Variants in ADGRG2 observed in about 807,000 individuals in gnomAD.
ADGRG2 encodes G protein-coupled receptor 64.
ADGRG2 carries 26 observed loss-of-function variants against 74.1 expected under a neutral mutation model. The ratio of observed to expected loss-of-function variants is 0.35; its 90% CI spans 0.26 to 0.49. The LOEUF (loss-of-function observed/expected upper bound fraction) is 0.49. Among genes scored for constraint, ADGRG2 ranks in the 20% least tolerant of loss-of-function variants. The pLI, the probability that ADGRG2 is intolerant of heterozygous loss-of-function variation, is 0.99. For missense variants in ADGRG2, 619 were observed against 763.1 expected (o/e 0.81, Z 2.22); for synonymous variants, 296 against 295.2 (o/e 1.00, Z -0.03).
intron 13 of ADGRG2, 84 bp from the exon 14 acceptor site, chrX:19,021,282 G>C: frequency 1.8e-6 from 1 of 550,322 alleles, no homozygotes; most frequent in African/African-American, 2.2e-5. Context: ...CAAACTTAGA[G>C]TGAGGAAAGG....
At chrX:19,001,723 G>T (rs750751564) in intron 24 of ADGRG2, among the ~76,000 whole-genome samples, 3 of 111,757 alleles carry the variant, frequency 2.7e-5, no homozygotes, top group East Asian at 5.6e-4. Flanking sequence ...GGTGGCAAGG[G>T]TGGTGGTGTG....
chrX:19,051,568 G>A (rs903048544), intron 3 of ADGRG2, among the ~76,000 whole-genome samples: 1 of 111,961 alleles, frequency 8.9e-6, no homozygotes, highest in Non-Finnish European at 1.9e-5. Context: ...CCTTTCTCTT[G>A]ATCCTGGGTG....
chrX:19,060,701 C>T lies in ADGRG2; in HGVS notation c.118+8016G>A, dbSNP rs764741295. On this transcript the variant is annotated intron_variant, in intron 3 of 28. Coordinates refer to ENST00000379869, the MANE Select transcript of ADGRG2 (RefSeq NM_001079858.3). ...TAGCTAGGATTACAGGTGCCCACCACCACACTCGGCTAATTTTTGTATTTT... is the reference window on the plus strand; with the variant it reads ...TAGCTAGGATTACAGGTGCCCACCATCACACTCGGCTAATTTTTGTATTTT... Among the ~76,000 whole-genome samples the T allele has an allele frequency of 5.4e-5, 6 of 110,457 alleles. No homozygotes were observed. In the East Asian group the frequency reaches 1.7e-3, roughly 31 times the overall value.
At chrX:19,004,677 G>A in intron 23 of ADGRG2, 81 bp downstream of exon 23, 1 of 1,003,862 alleles carries the variant, frequency 1.0e-6, no homozygotes, top group East Asian at 3.1e-5. Context: ...GGCAGGCCGA[G>A]GAAAGGGCTT....
intron 3 of ADGRG2, among the ~76,000 whole-genome samples, chrX:19,060,527 T>C (rs1263095809): frequency 3.0e-5 from 3 of 101,560 alleles, no homozygotes; most frequent in African/African-American, 1.1e-4. Context: ...TCTCTGGGGG[T>C]AGGAGGCAGG....
intron 1 of ADGRG2, among the ~76,000 whole-genome samples, chrX:19,091,805 G>A (rs1338158877): frequency 6.2e-5 from 7 of 112,450 alleles, no homozygotes; most frequent in Non-Finnish European, 1.1e-4. Context: ...GGCAGCTTGT[G>A]GGATTTGGCC....
At chrX:18,995,099 A>G (rs1358719808) in intron 27 of ADGRG2, 51 bp from the exon 28 acceptor site, 57 of 952,105 alleles carry the variant, frequency 6.0e-5, no homozygotes, top group Non-Finnish European at 8.2e-5. Flanking sequence ...TTGAAGCTCA[A>G]ACGCAAGAGA....
At chrX:19,003,677 A>T (rs781395808) in intron 23 of ADGRG2, among the ~76,000 whole-genome samples, 1 of 111,822 alleles carries the variant, frequency 8.9e-6, no homozygotes, top group South Asian at 3.8e-4. Context: ...GGGACCTTTT[A>T]CATGCTGACT....
At chrX:19,085,974 C>T (rs1324957790) in intron 1 of ADGRG2, among the ~76,000 whole-genome samples, 1 of 111,451 alleles carries the variant, frequency 9.0e-6, no homozygotes. Context: ...GCCAAGAAAC[C>T]AGCTTCCCAG....
chrX:19,046,729 G>C (rs1462665606), intron 3 of ADGRG2, among the ~76,000 whole-genome samples: 1 of 111,807 alleles, frequency 8.9e-6, no homozygotes, highest in Non-Finnish European at 1.9e-5. Flanking sequence ...AGATACCGAT[G>C]AACAGAGCCA....
chrX:19,097,265 A>T (rs1206919074), intron 1 of ADGRG2, among the ~76,000 whole-genome samples: 1 of 112,822 alleles, frequency 8.9e-6, no homozygotes, highest in East Asian at 2.8e-4. Context: ...TAATCTCAGC[A>T]CTTTGGGAGG....
chrX:19,109,766 CA>C (rs1315982366), intron 1 of ADGRG2, among the ~76,000 whole-genome samples: 4 of 111,973 alleles, frequency 3.6e-5, no homozygotes, highest in Non-Finnish European at 7.5e-5. Flanking sequence ...CAAGATAAAA[CA>C]TGTCGATTTT....
chrX:18,993,186 C>T (rs369530423), intron 28 of ADGRG2, among the ~76,000 whole-genome samples: 4 of 111,524 alleles, frequency 3.6e-5, no homozygotes, highest in African/African-American at 1.3e-4. Context: ...TTCTTCTCCC[C>T]GCTCCCCTGG....
intron 1 of ADGRG2, among the ~76,000 whole-genome samples, chrX:19,106,743 A>AC (rs958649380): frequency 4.6e-5 from 5 of 109,507 alleles, no homozygotes; most frequent in East Asian, 2.9e-4. Flanking sequence ...ACATGGTGAA[A>AC]CCCCGTCTCT....
At chrX:19,067,452 G>A (rs768771282) in intron 3 of ADGRG2, among the ~76,000 whole-genome samples, 65 of 112,083 alleles carry the variant, frequency 5.8e-4, no homozygotes, top group Non-Finnish European at 9.0e-4. Context: ...ACATGCACGA[G>A]AGTGAAGTTG....
chrX:19,075,584 C>T (rs2061732423), intron 2 of ADGRG2, among the ~76,000 whole-genome samples: 1 of 95,997 alleles, frequency 1.0e-5, no homozygotes. Context: ...CACTACTGCA[C>T]TCCAGCCTGG....
At chrX:19,100,486 C>T (rs137949877) in intron 1 of ADGRG2, among the ~76,000 whole-genome samples, 2 of 112,963 alleles carry the variant, frequency 1.8e-5, no homozygotes, top group Admixed American at 9.3e-5. Context: ...GTTTGCCAAC[C>T]CCTGGCCTAG....
At chrX:19,030,632 T>G (rs2060806478) in intron 9 of ADGRG2, among the ~76,000 whole-genome samples, 1 of 112,371 alleles carries the variant, frequency 8.9e-6, no homozygotes, top group Non-Finnish European at 1.9e-5. Flanking sequence ...TTGACAGATT[T>G]CTATATAAGA....
intron 18 of ADGRG2, among the ~76,000 whole-genome samples, chrX:19,008,969 C>G (rs1339025425): frequency 2.7e-5 from 3 of 111,661 alleles, no homozygotes; most frequent in Non-Finnish European, 5.6e-5. Flanking sequence ...AGGAATGATA[C>G]TCAGCACCAC....
Sources: allele counts gnomAD v4.1 joint callset (sites outside exome capture counted in the v4.1 genomes callset), GRCh38; gene constraint gnomAD v4.1.1; transcripts MANE v1.5; gene names NCBI Gene and HGNC (gene_info 2026-07-23, HGNC 2026-07-21).